Variants in ZFY observed in about 807,000 individuals in gnomAD.
ZFY encodes the protein zinc finger protein Y-linked.
For synonymous variants in ZFY, 47 were observed against 55.8 expected (o/e 0.84, Z 0.71); for missense variants, 113 against 170.9 (o/e 0.66, Z 1.89).
At chrY:2,957,165 G>GT (rs2051295537) in intron 2 of ZFY, among the ~76,000 whole-genome samples, 24 of 27,931 alleles carry the variant, frequency 8.6e-4, no homozygotes, top group East Asian at 1.8e-3. Flanking sequence ...GTTGTTACTG[G>GT]TTTTTTTTTT....
intron 3 of ZFY, among the ~76,000 whole-genome samples, chrY:2,971,962 G>A (rs2051348863): frequency 3.4e-5 from 1 of 29,234 alleles, no homozygotes; most frequent in African/African-American, 1.4e-4. Context: ...GCAGCTATTT[G>A]GGAGGCAGAG....
At chrY:2,960,998 GAAGAAATT>G (rs2051307123) in intron 2 of ZFY, 68 bp from the exon 3 acceptor site, 1 of 273,385 alleles carries the variant, frequency 3.7e-6, no homozygotes, top group African/African-American at 7.5e-5. Flanking sequence ...TGTTTTCCCA[GAAGAAATT>G]AAATAAAAAC....
intron 1 of ZFY, among the ~76,000 whole-genome samples, chrY:2,952,549 TTGAA>T (rs2051282145): frequency 3.0e-5 from 1 of 33,792 alleles, no homozygotes; most frequent in African/African-American, 1.2e-4. Flanking sequence ...TTGAAGCAGT[TTGAA>T]TGTCATAAAA....
intron 1 of ZFY, among the ~76,000 whole-genome samples, chrY:2,944,142 T>C: frequency 3.0e-5 from 1 of 33,565 alleles, no homozygotes; most frequent in Non-Finnish European, 7.4e-5. Context: ...ATTGTGAGCA[T>C]GTAGACATAG....
intron 1 of ZFY, among the ~76,000 whole-genome samples, chrY:2,938,050 C>A: frequency 3.8e-5 from 1 of 25,981 alleles, no homozygotes; most frequent in Non-Finnish European, 8.8e-5. Flanking sequence ...TGCAGTGGCG[C>A]GATCTCGGCT....
chrY:2,960,602 TAAGA>T (rs2051306028), intron 2 of ZFY, among the ~76,000 whole-genome samples: 2 of 31,439 alleles, frequency 6.4e-5, no homozygotes, highest in East Asian at 1.6e-3. Flanking sequence ...AGTAATGTGT[TAAGA>T]AAGGAGATGA....
At chrY:2,949,987 T>C in intron 1 of ZFY, among the ~76,000 whole-genome samples, 1 of 33,115 alleles carries the variant, frequency 3.0e-5, no homozygotes, top group Non-Finnish European at 7.4e-5. Context: ...TATTAGTTGT[T>C]TTCTCATCTT....
At position 2,976,677 on chromosome Y, in the gene ZFY, T is replaced by C. The variant is rs1238013118; in HGVS notation, c.936T>C (p.Ala312=). The change falls in exon 6 of 8, where the codon GCT becomes GCC. Residue 312 remains alanine (A), a synonymous_variant. Coordinates refer to ENST00000155093, the MANE Select transcript of ZFY (RefSeq NM_003411.4). ...SQQEDEDLNV[A]EIADEVYMEV... is the part of the protein sequence containing the mutation. ...TATTTATTTTGTGCTTAGATGTTGC[T>C]GAAATTGCTGATGAAGTTTATATGG... 9 of 387,441 alleles carry C rather than the reference T, an allele frequency of 2.3e-5. No homozygotes were observed. Among genetic ancestry groups the C allele is most frequent in the Admixed American group, 7.9e-5 (1 of 12,595 alleles).
chrY:2,951,835 A>G, intron 1 of ZFY, among the ~76,000 whole-genome samples: 1 of 33,082 alleles, frequency 3.0e-5, no homozygotes, highest in East Asian at 7.8e-4. Context: ...TTTCAAAATT[A>G]AAGAAACTGA....
At chrY:2,949,484 C>T in intron 1 of ZFY, among the ~76,000 whole-genome samples, 1 of 30,444 alleles carries the variant, frequency 3.3e-5, no homozygotes, top group Non-Finnish European at 7.8e-5. Flanking sequence ...GAAATAGGCA[C>T]TCTTACATTA....
At chrY:2,945,577 C>G in intron 1 of ZFY, among the ~76,000 whole-genome samples, 1 of 31,572 alleles carries the variant, frequency 3.2e-5, no homozygotes, top group African/African-American at 1.2e-4. Context: ...CCAAGCAATT[C>G]TTGTGCCTGA....
intron 1 of ZFY, among the ~76,000 whole-genome samples, chrY:2,947,278 TTGAA>T: frequency 2.9e-5 from 1 of 34,058 alleles, no homozygotes; most frequent in Non-Finnish European, 7.3e-5. Context: ...TACTAATTAT[TTGAA>T]TGAACAGAAT....
intron 6 of ZFY, among the ~76,000 whole-genome samples, chrY:2,977,372 A>G: frequency 3.1e-5 from 1 of 32,344 alleles, no homozygotes; most frequent in Non-Finnish European, 7.6e-5. Context: ...TAGGTGACAC[A>G]TAACTTTACA....
At chrY:2,972,537 A>G (rs2051351618) in intron 3 of ZFY, among the ~76,000 whole-genome samples, 1 of 33,786 alleles carries the variant, frequency 3.0e-5, no homozygotes, top group Non-Finnish European at 7.3e-5. Context: ...TTCAAAATCT[A>G]AATTCTGTGT....
At position 2,940,477 on chromosome Y, in the gene ZFY, C is replaced by A. The variant is rs77711040; in HGVS notation, c.-29+4708C>A. On this transcript the variant is annotated intron_variant, in intron 1 of 7. Transcript: ENST00000155093. ...GTAAGCAAGTACAAATCTGTTGTAT[C>A]AGATTGTAACCTGTTGTAACAGATT... Among the ~76,000 whole-genome samples the A allele has an allele frequency of 0.018, 616 of 33,494 alleles. No homozygotes were observed. The East Asian group carries it at 0.46, about 25-fold the overall frequency. The allele number at this position is 33,494 out of a possible 37,273, so 89.9% of individuals were successfully genotyped here. A position where few individuals can be genotyped will look rare whatever the true frequency, so the allele number is the denominator to read the frequency against.
At chrY:2,952,666 A>C in intron 1 of ZFY, among the ~76,000 whole-genome samples, 1 of 34,399 alleles carries the variant, frequency 2.9e-5, no homozygotes, top group Non-Finnish European at 7.3e-5. Context: ...AATATTTGAA[A>C]ATTGACACAC....
At chrY:2,940,869 A>T in intron 1 of ZFY, among the ~76,000 whole-genome samples, 1 of 33,245 alleles carries the variant, frequency 3.0e-5, no homozygotes, top group African/African-American at 1.2e-4. Context: ...TTTTACTCTT[A>T]TTATCCCATG....
chrY:2,944,181 T>A, intron 1 of ZFY, among the ~76,000 whole-genome samples: 1 of 33,163 alleles, frequency 3.0e-5, no homozygotes, highest in African/African-American at 1.2e-4. Flanking sequence ...ACGATTTTTT[T>A]TGCATTTTTT....
Position 2,978,862 on chromosome Y carries a change from T to G in ZFY, c.1275T>G (p.Ile425Met). ...CTTTGACTGTCTATCCTTGCATGATTTGTGGGAAGAAGTTTAAGTCGAGGG... is the reference window on the plus strand; with the variant it reads ...CTTTGACTGTCTATCCTTGCATGATGTGTGGGAAGAAGTTTAAGTCGAGGG... ...GHPLTVYPCM[I>M]CGKKFKSRGF... is the part of the protein sequence containing the mutation. Residue 425 changes from isoleucine (I) to methionine (M), a missense_variant, in exon 8 of 8, where the codon ATT (isoleucine) becomes ATG (methionine). Coordinates refer to ENST00000155093, the MANE Select transcript of ZFY (RefSeq NM_003411.4). The G allele has an allele frequency of 2.5e-6, 1 of 398,612 alleles. No individual in the cohort carries two copies. The highest frequency in any genetic ancestry group is 3.0e-5 in the South Asian group (1 of 33,782).
Sources: gnomAD v4.1 joint callset for allele counts (sites outside exome capture counted in the v4.1 genomes callset) on GRCh38, gnomAD v4.1.1 for gene constraint, MANE v1.5 for transcripts, NCBI Gene and HGNC (gene_info 2026-07-23, HGNC 2026-07-21) for gene names.